JAK1: variants seen among roughly 807,000 people sequenced by gnomAD.
JAK1 encodes Janus kinase 1, also known as tyrosine-protein kinase JAK1.
A neutral mutation model predicts 136.6 loss-of-function variants in JAK1; 16 were observed. The ratio of observed to expected loss-of-function variants is 0.12; its 90% CI spans 0.08 to 0.18. The LOEUF is 0.18. Ranked by LOEUF, JAK1 falls within the 10% of genes least tolerant of loss-of-function variation. The pLI is 1.00. For missense variants in JAK1, 859 were observed against 1,450.1 expected (o/e 0.59, Z 6.62); for synonymous variants, 492 against 519.5 (o/e 0.95, Z 0.72).
intron 1 of JAK1, among the ~76,000 whole-genome samples, chr1:64,918,129 T>C (rs1645430802): frequency 6.6e-6 from 1 of 152,340 alleles, no homozygotes; most frequent in African/African-American, 2.4e-5. Flanking sequence ...GGGTGACTGT[T>C]ACCTCTGAGG....
At chr1:65,061,170 G>C (rs1041160857) in intron 1 of JAK1, among the ~76,000 whole-genome samples, 9 of 152,192 alleles carry the variant, frequency 5.9e-5, no homozygotes, top group African/African-American at 2.2e-4. Flanking sequence ...TGTAATCTCA[G>C]CGCCTTAGGA....
intron 17 of JAK1, among the ~76,000 whole-genome samples, chr1:64,842,251 A>G (rs970782139): frequency 6.6e-6 from 1 of 152,198 alleles, no homozygotes; most frequent in Non-Finnish European, 1.5e-5. Context: ...AACAGTGGTC[A>G]GGGATGACAA....
intron 3 of JAK1, among the ~76,000 whole-genome samples, chr1:64,880,196 T>C (rs1338340808): frequency 1.3e-5 from 2 of 152,214 alleles, no homozygotes; most frequent in Non-Finnish European, 2.9e-5. Flanking sequence ...CCTTGGCAGC[T>C]ATCTAGTGCT....
chr1:64,975,636 C>A (rs1307403849), intron 2 of JAK1, among the ~76,000 whole-genome samples: 1 of 152,168 alleles, frequency 6.6e-6, no homozygotes, highest in Non-Finnish European at 1.5e-5. Flanking sequence ...CTCAGCAAGT[C>A]CTGATGTTTT....
At chr1:64,971,951 T>A (rs1343290576) in intron 2 of JAK1, among the ~76,000 whole-genome samples, 1 of 152,240 alleles carries the variant, frequency 6.6e-6, no homozygotes, top group African/African-American at 2.4e-5. Context: ...TGTACTCAAA[T>A]ATGTTGAATT....
At chr1:65,011,460 C>A (rs1290555347) in intron 2 of JAK1, among the ~76,000 whole-genome samples, 5 of 152,154 alleles carry the variant, frequency 3.3e-5, no homozygotes, top group Admixed American at 3.3e-4. Context: ...AAAAAACAAA[C>A]AAACAAACAA....
At chr1:64,886,676 C>G (rs1341341431) in intron 1 of JAK1, among the ~76,000 whole-genome samples, 1 of 150,502 alleles carries the variant, frequency 6.6e-6, no homozygotes, top group Non-Finnish European at 1.5e-5. Context: ...ATTGTGTGAA[C>G]AATAGTTTAA....
At chr1:65,033,354 A>AT (rs573047019) in intron 2 of JAK1, among the ~76,000 whole-genome samples, 8 of 152,016 alleles carry the variant, frequency 5.3e-5, no homozygotes, top group East Asian at 3.9e-4. Context: ...AAATTTTAAA[A>AT]TTTTTTTATT....
chr1:64,901,220 T>C (rs1480188869), intron 1 of JAK1, among the ~76,000 whole-genome samples: 2 of 152,194 alleles, frequency 1.3e-5, no homozygotes, highest in African/African-American at 4.8e-5. Context: ...CCAGCATGCC[T>C]TCTCTGACTA....
intron 1 of JAK1, among the ~76,000 whole-genome samples, chr1:64,936,740 G>C (rs1215816222): frequency 6.6e-6 from 1 of 152,088 alleles, no homozygotes; most frequent in African/African-American, 2.4e-5. Flanking sequence ...GATTAAGTTA[G>C]TTAATCTACT....
At chr1:64,946,952 T>C (rs552996986) in intron 1 of JAK1, among the ~76,000 whole-genome samples, 1 of 152,252 alleles carries the variant, frequency 6.6e-6, no homozygotes, top group South Asian at 2.1e-4. Context: ...AAGTGAAACA[T>C]GCTAGTGAAA....
chr1:64,882,102 A>G (rs994905747), intron 3 of JAK1, among the ~76,000 whole-genome samples: 2 of 152,176 alleles, frequency 1.3e-5, no homozygotes, highest in Non-Finnish European at 2.9e-5. Context: ...CTAATAATCT[A>G]TACACCTCAG....
intron 1 of JAK1, among the ~76,000 whole-genome samples, chr1:64,946,200 C>G (rs976975542): frequency 6.6e-6 from 1 of 152,214 alleles, no homozygotes; most frequent in African/African-American, 2.4e-5. Context: ...CAGAGCTGAA[C>G]AATACAGAGA....
intron 22 of JAK1, among the ~76,000 whole-genome samples, chr1:64,837,557 A>G (rs1188993853): frequency 2.0e-5 from 3 of 152,194 alleles, no homozygotes; most frequent in African/African-American, 7.2e-5. Flanking sequence ...ACTCTGTCCT[A>G]CAGCCTCCCT....
intron 2 of JAK1, among the ~76,000 whole-genome samples, chr1:65,007,304 T>G (rs1296129614): frequency 6.6e-6 from 1 of 152,166 alleles, no homozygotes; most frequent in African/African-American, 2.4e-5. Flanking sequence ...TCTGTAGGTC[T>G]GTCTTATTCT....
intron 1 of JAK1, among the ~76,000 whole-genome samples, chr1:65,059,395 TAAG>T (rs552867688): frequency 2.4e-4 from 36 of 152,202 alleles, no homozygotes; most frequent in Non-Finnish European, 4.4e-4. Context: ...GCTTTATAAT[TAAG>T]AAGAAAAATG....
chr1:64,923,636 C>T (rs757030711), intron 1 of JAK1, among the ~76,000 whole-genome samples: 2 of 152,158 alleles, frequency 1.3e-5, no homozygotes, highest in Non-Finnish European at 2.9e-5. Flanking sequence ...CTCATACACT[C>T]CCATTTTCTA....
intron 1 of JAK1, among the ~76,000 whole-genome samples, chr1:64,950,685 G>A (rs1441351785): frequency 6.6e-6 from 1 of 152,112 alleles, no homozygotes; most frequent in Non-Finnish European, 1.5e-5. Context: ...GTGGACCCTA[G>A]ACAATCCTAA....
At chr1:64,968,683 G>A (rs577294168), upstream of JAK1, among the ~76,000 whole-genome samples, 36 of 152,312 alleles carry the variant, frequency 2.4e-4, no homozygotes, top group African/African-American at 7.9e-4. Context: ...TGTAATCCCA[G>A]CACTTTGGGA....
Sources: gnomAD v4.1 joint callset for allele counts (sites outside exome capture counted in the v4.1 genomes callset) on GRCh38, gnomAD v4.1.1 for gene constraint, MANE v1.5 for transcripts, NCBI Gene and HGNC (gene_info 2026-07-23, HGNC 2026-07-21) for gene names.